The following COL14A1 variants were observed in gnomAD, a reference collection of about 807,000 sequenced individuals.
COL14A1 encodes collagen type XIV alpha 1 chain.
Under a neutral mutation model 230.3 loss-of-function variants are expected in COL14A1, and 136 were observed. The ratio of observed to expected loss-of-function variants is 0.59; its 90% confidence interval spans 0.51 to 0.68. The LOEUF (loss-of-function observed/expected upper bound fraction) is 0.68, where lower values mean the gene tolerates loss of function less well. Among genes scored for constraint, COL14A1 ranks in the 30% least tolerant of loss-of-function variants. COL14A1 has a pLI of 0.00. For missense variants in COL14A1, 1,976 were observed against 2,215.8 expected (o/e 0.89, Z 2.17); for synonymous variants, 792 against 784.1 (o/e 1.01, Z -0.17).
rs1200904334 is a variant in COL14A1, at chr8:120,285,845, A to C, written c.3968-16A>C. 1.4e-6 allele frequency: 2 copies of C among 1,477,914 alleles called. No homozygotes were observed. The highest frequency in any genetic ancestry group is 2.1e-5 in the Admixed American group (1 of 48,224). 91.6% of individuals were successfully genotyped at this position (1,477,914 alleles called of 1,614,324 possible). A position where few individuals can be genotyped will look rare whatever the true frequency, so the allele number is the denominator to read the frequency against. On this transcript the variant is annotated splice_polypyrimidine_tract_variant and intron_variant, in intron 32 of 47. Transcript: ENST00000297848. ...CTTTAATTATTTCTAAAATATTTTT[A>C]TTTTTCTTTCAATAGATGGTGGGAA... is the stretch of plus-strand genomic sequence containing the variant.
chr8:120,225,295 A>G (rs1795143809), intron 15 of COL14A1, 81 bp downstream of exon 15: 1 of 1,243,118 alleles, frequency 8.0e-7, no homozygotes, highest in Non-Finnish European at 1.1e-6. Context: ...CACCTTCTTT[A>G]TTTGTGATTT....
At chr8:120,330,477 C>T (rs560342793) in intron 40 of COL14A1, among the ~76,000 whole-genome samples, 7 of 152,226 alleles carry the variant, frequency 4.6e-5, no homozygotes, top group Admixed American at 6.5e-5. Flanking sequence ...TCTTAAATGA[C>T]GGCAGGCAAG....
intron 22 of COL14A1, 100 bp from the exon 23 acceptor site, chr8:120,255,140 G>A (rs1263167140): frequency 4.8e-6 from 4 of 841,998 alleles, no homozygotes; most frequent in African/African-American, 1.7e-5. Context: ...CTCTGACTAT[G>A]CAGCTTTGAA....
intron 19 of COL14A1, 156 bp downstream of exon 19, chr8:120,231,774 G>C (rs961596192): frequency 9.4e-6 from 7 of 741,668 alleles, no homozygotes; most frequent in African/African-American, 5.3e-5. Flanking sequence ...CTCCACTACT[G>C]GCTTCTTAGT....
intron 45 of COL14A1, among the ~76,000 whole-genome samples, chr8:120,354,859 C>T (rs1822921242): frequency 6.6e-6 from 1 of 152,092 alleles, no homozygotes; most frequent in African/African-American, 2.4e-5. Context: ...ATTAAGCAGC[C>T]CGATTTCTCA....
At chr8:120,334,566 G>A in intron 42 of COL14A1, among the ~76,000 whole-genome samples, 1 of 114,488 alleles carries the variant, frequency 8.7e-6, no homozygotes, top group Non-Finnish European at 1.8e-5. Flanking sequence ...ATGAAAAAAT[G>A]CATGCGTTCA....
At chr8:120,290,682 A>G (rs1820348164) in intron 34 of COL14A1, among the ~76,000 whole-genome samples, 1 of 152,342 alleles carries the variant, frequency 6.6e-6, no homozygotes, top group Admixed American at 6.5e-5. Flanking sequence ...ATGAAATCCT[A>G]TACTATGTCA....
rs1222445090 is a variant in COL14A1, at chr8:120,231,521, T to C, written c.2252T>C (p.Leu751Pro). 1.9e-6 allele frequency: 3 copies of C among 1,614,092 alleles called. No individual in the cohort carries two copies. Among genetic ancestry groups the C allele is most frequent in the South Asian group, 2.2e-5 (2 of 91,076 alleles). The part of the protein sequence containing the change: ...LVVGDETTSS[L>P]RVKWDISDSD... ...GTAGGTGATGAAACTACTTCTAGCC[T>C]GCGGGTAAAATGGGACATTTCTGAC... The change falls in exon 19 of 48, where the codon CTG becomes CCG. Residue 751 changes from leucine to proline, a missense_variant. Around this residue, in one of 3 missense-constraint regions of COL14A1, gnomAD observed 1,791 missense variants for 2,019.5 expected, o/e 0.89. Transcript: ENST00000297848.
rs1228996380 is a variant in COL14A1 at position 120,231,610 on chromosome 8, A to G, written c.2341A>G (p.Ile781Val). The change falls in exon 19 of 48, where the codon ATA (isoleucine) becomes GTA (valine). Residue 781 changes from isoleucine to valine, a missense_variant. Around this residue, in one of 3 missense-constraint regions of COL14A1, gnomAD observed 1,791 missense variants for 2,019.5 expected, o/e 0.89. Transcript: ENST00000297848. The part of the protein sequence containing the change: ...TAQGDPEEEV[I>V]GTVMVPGSQN... ...TCAAGGGGACCCTGAGGAAGAAGTC[A>G]TAGGAACGGTCTGTATAAATTCAAC... The G allele has an allele frequency of 1.2e-6, 2 of 1,613,512 alleles. No homozygotes were observed. Among genetic ancestry groups the G allele is most frequent in the Admixed American group, 1.7e-5 (1 of 59,910 alleles).
At chr8:120,331,523 G>A (rs1018466628) in intron 40 of COL14A1, among the ~76,000 whole-genome samples, 7 of 152,050 alleles carry the variant, frequency 4.6e-5, no homozygotes, top group Non-Finnish European at 7.4e-5. Context: ...TATAATTGAG[G>A]AAGATGTTTT....
intron 40 of COL14A1, among the ~76,000 whole-genome samples, chr8:120,321,516 G>A (rs1295319608): frequency 2.0e-5 from 3 of 152,072 alleles, no homozygotes; most frequent in South Asian, 4.2e-4. Flanking sequence ...GGTGGCACGA[G>A]CCTGTAATTC....
chr8:120,229,289 G>A (rs1818192702), intron 18 of COL14A1, among the ~76,000 whole-genome samples: 1 of 115,994 alleles, frequency 8.6e-6, no homozygotes, highest in Non-Finnish European at 1.6e-5. Flanking sequence ...AGTCCCCAGA[G>A]TCTGATGTTC....
At chr8:120,131,749 A>G (rs530367316) in intron 1 of COL14A1, among the ~76,000 whole-genome samples, 11 of 150,672 alleles carry the variant, frequency 7.3e-5, no homozygotes, top group African/African-American at 2.2e-4. Flanking sequence ...TTTCTGTTGC[A>G]GTTGATTTGA....
chr8:120,349,758 G>A (rs1420764691), intron 45 of COL14A1, among the ~76,000 whole-genome samples: 1 of 130,832 alleles, frequency 7.6e-6, no homozygotes, highest in Middle Eastern at 3.7e-3. Flanking sequence ...ATCTACATCT[G>A]ATTGGTTTAC....
intron 14 of COL14A1, among the ~76,000 whole-genome samples, chr8:120,221,559 T>C (rs1032367825): frequency 4.2e-5 from 4 of 94,482 alleles, no homozygotes; most frequent in Admixed American, 2.4e-4. Context: ...CACACACACA[T>C]GCACACACAC....
chr8:120,180,385 G>A (rs1563654821), intron 5 of COL14A1, among the ~76,000 whole-genome samples: 1 of 152,054 alleles, frequency 6.6e-6, no homozygotes, highest in Non-Finnish European at 1.5e-5. Flanking sequence ...TTTCTCCTTG[G>A]TTTAAGATCT....
At chr8:120,295,203 A>G (rs527323025) in intron 34 of COL14A1, among the ~76,000 whole-genome samples, 2 of 151,920 alleles carry the variant, frequency 1.3e-5, no homozygotes, top group Admixed American at 6.6e-5. Flanking sequence ...TCATAATGGG[A>G]CCTATTTAAT....
chr8:120,330,421 G>A (rs1821823964), intron 40 of COL14A1, among the ~76,000 whole-genome samples: 1 of 152,190 alleles, frequency 6.6e-6, no homozygotes, highest in African/African-American at 2.4e-5. Context: ...CATGGCTGGG[G>A]AGACCTCACA....
At chr8:120,227,626 TGTAGA>T (rs1818139822) in intron 17 of COL14A1, among the ~76,000 whole-genome samples, 1 of 152,178 alleles carries the variant, frequency 6.6e-6, no homozygotes, top group Admixed American at 6.5e-5. Flanking sequence ...ACATGTTAAC[TGTAGA>T]GTAAACACCC....
Sources: gnomAD v4.1 joint callset for allele counts (sites outside exome capture counted in the v4.1 genomes callset) on GRCh38, gnomAD v4.1.1 for gene constraint, gnomAD v4.1.1 regional missense constraint, MANE v1.5 for transcripts, NCBI Gene and HGNC (gene_info 2026-07-23, HGNC 2026-07-21) for gene names.